Variants in AFAP1 observed in about 807,000 individuals in gnomAD.
AFAP1 encodes actin filament-associated protein 1.
AFAP1 carries 75 observed loss-of-function variants against 93.9 expected under a neutral mutation model. The observed-to-expected ratio is 0.80, with a 90% CI of 0.66 to 0.97. The LOEUF is 0.97. AFAP1 is among the 50% of genes least tolerant of loss of function. The pLI is 0.00. For missense variants in AFAP1, 1,201 were observed against 1,050.8 expected, an observed-to-expected ratio of 1.14 and a Z score of -1.98; for synonymous variants, 517 against 430.7, an observed-to-expected ratio of 1.20 and a Z score of -2.48.
chr4:7,896,767 CCCCCCCACACCCAGGGCTCAGTCCTCACT>C (rs1232677293), intron 1 of AFAP1, among the ~76,000 whole-genome samples: 7 of 77,212 alleles, frequency 9.1e-5, no homozygotes, highest in African/African-American at 2.1e-4. Flanking sequence ...AGTCCTCATT[CCCCCCCACACCCAGGGCTCAGTCCTCACT>C]CCCCCCACAC....
chr4:7,834,092 T>TACACACACAC (rs142790415), intron 6 of AFAP1, among the ~76,000 whole-genome samples: 8,991 of 126,516 alleles, frequency 0.071, 372 homozygotes, highest in Admixed American at 0.12. Context: ...AACTGTGGCA[T>TACACACACAC]ACACACACAC....
chr4:7,859,314 G>A (rs567373370), intron 3 of AFAP1, among the ~76,000 whole-genome samples: 1 of 152,208 alleles, frequency 6.6e-6, no homozygotes, highest in East Asian at 1.9e-4. Flanking sequence ...AGCTACTCAG[G>A]AGGCTGAGGC....
At chr4:7,811,336 CCA>C (rs1482562533) in intron 8 of AFAP1, among the ~76,000 whole-genome samples, 1 of 151,848 alleles carries the variant, frequency 6.6e-6, no homozygotes, top group Admixed American at 6.6e-5. Flanking sequence ...ACAAATGAAC[CCA>C]CACACATCCC....
chr4:7,836,858 G>T (rs558562717), intron 6 of AFAP1, among the ~76,000 whole-genome samples: 9 of 150,420 alleles, frequency 6.0e-5, no homozygotes, highest in African/African-American at 2.2e-4. Context: ...AATTGGACTT[G>T]AAAAGGGTGA....
chr4:7,811,247 C>T (rs911202962), intron 8 of AFAP1, among the ~76,000 whole-genome samples: 2 of 149,100 alleles, frequency 1.3e-5, no homozygotes, highest in Non-Finnish European at 3.0e-5. Context: ...ATGAATCCCT[C>T]AACCCGCTGG....
chr4:7,773,029 C>CCGTT lies in AFAP1; in HGVS notation c.2063-23_2063-20dup. The CCGTT allele has an allele frequency of 6.2e-7, 1 of 1,601,554 alleles. No individual in the cohort carries two copies. Among genetic ancestry groups the CCGTT allele is most frequent in the South Asian group, 1.1e-5 (1 of 90,552 alleles). ...TTCCTGCCTGGAATTCCCAGAAACG[C>CCGTT]CGTTACTCCCGCGGCAGGCACAGGT... On this transcript the variant is annotated intron_variant, in intron 15 of 17. Coordinates refer to ENST00000420658, the MANE Select transcript of AFAP1 (RefSeq NM_001134647.2).
chr4:7,835,993 G>C (rs1353624514), intron 6 of AFAP1, among the ~76,000 whole-genome samples: 2 of 152,126 alleles, frequency 1.3e-5, no homozygotes, highest in South Asian at 2.1e-4. Context: ...AATGCTCCTT[G>C]GTAGTGGAAA....
chr4:7,903,226 G>A (rs1560228684), intron 1 of AFAP1, among the ~76,000 whole-genome samples: 1 of 152,192 alleles, frequency 6.6e-6, no homozygotes, highest in African/African-American at 2.4e-5. Context: ...TAGGTGCCAG[G>A]CACTGGTCAT....
chr4:7,924,487 A>T (rs1013677052), intron 1 of AFAP1, among the ~76,000 whole-genome samples: 1 of 152,164 alleles, frequency 6.6e-6, no homozygotes, highest in African/African-American at 2.4e-5. Flanking sequence ...ATTGTTGAAG[A>T]TTTCCTATTT....
At chr4:7,800,730 G>A (rs1184658787) in intron 9 of AFAP1, 77 bp from the exon 10 acceptor site, 2 of 1,391,054 alleles carry the variant, frequency 1.4e-6, no homozygotes, top group African/African-American at 2.8e-5. Flanking sequence ...GTCACACTGA[G>A]GAGGCCCAGG....
At chr4:7,927,824 A>T (rs918672624) in intron 1 of AFAP1, among the ~76,000 whole-genome samples, 1 of 152,216 alleles carries the variant, frequency 6.6e-6, no homozygotes, top group Admixed American at 6.5e-5. Flanking sequence ...ATATTCTTGT[A>T]TCATCTGAAA....
chr4:7,862,076 T>C (rs1042906290), intron 3 of AFAP1: 1 of 152,192 alleles, frequency 6.6e-6, no homozygotes, highest in African/African-American at 2.4e-5. Context: ...CTCACATCTG[T>C]AGTCCCCGCT....
At chr4:7,878,758 G>A (rs528894488) in intron 1 of AFAP1, among the ~76,000 whole-genome samples, 22 of 152,312 alleles carry the variant, frequency 1.4e-4, no homozygotes, top group African/African-American at 5.1e-4. Context: ...TACAAGTGGA[G>A]AAACTGGTAC....
At chr4:7,938,984 G>C (rs909519738) in intron 1 of AFAP1, 1 of 153,106 alleles carries the variant, frequency 6.5e-6, no homozygotes, top group African/African-American at 2.4e-5. Flanking sequence ...TCACGGGGCG[G>C]GGCAGTGCGC....
chr4:7,835,014 G>C, intron 6 of AFAP1, among the ~76,000 whole-genome samples: 1 of 128,330 alleles, frequency 7.8e-6, no homozygotes, highest in Non-Finnish European at 1.6e-5. Context: ...ACAGTTACCT[G>C]GGTGGCTCCT....
intron 10 of AFAP1, among the ~76,000 whole-genome samples, chr4:7,797,327 C>G (rs555857465): frequency 6.6e-6 from 1 of 152,082 alleles, no homozygotes; most frequent in Non-Finnish European, 1.5e-5. Context: ...AAGCATCTTC[C>G]CACATGAGAC....
chr4:7,885,793 A>C (rs962490449), intron 1 of AFAP1, among the ~76,000 whole-genome samples: 12 of 152,216 alleles, frequency 7.9e-5, no homozygotes, highest in Admixed American at 2.0e-4. Flanking sequence ...ACATACAAAA[A>C]TTCGTGGTGA....
chr4:7,820,304 G>A (rs893238684), intron 6 of AFAP1, among the ~76,000 whole-genome samples: 15 of 152,228 alleles, frequency 9.9e-5, no homozygotes, highest in African/African-American at 3.6e-4. Flanking sequence ...GCTGGGTGGA[G>A]AGAAGCCAGT....
intron 10 of AFAP1, chr4:7,799,121 G>T: frequency 1.0e-6 from 1 of 980,284 alleles, no homozygotes. Context: ...TAAAGAAGCT[G>T]AGAGAGAACA....
Sources: allele counts gnomAD v4.1 joint callset (sites outside exome capture counted in the v4.1 genomes callset), GRCh38; gene constraint gnomAD v4.1.1; transcripts MANE v1.5; gene names NCBI Gene and HGNC (gene_info 2026-07-23, HGNC 2026-07-21).